RBM34: variants seen among roughly 807,000 people sequenced by gnomAD.
RBM34 encodes RNA-binding protein 34.
RBM34 carries 39 observed loss-of-function variants against 44.6 expected under a neutral mutation model. The ratio of observed to expected loss-of-function variants is 0.87; its 90% CI spans 0.68 to 1.14. RBM34 has a LOEUF of 1.14. Ranked by LOEUF, RBM34 falls within the 50% of genes most tolerant of loss-of-function variation. The pLI is 0.00. For synonymous variants in RBM34, 194 were observed against 184.0 expected (o/e 1.05, Z -0.44); for missense variants, 572 against 517.9 (o/e 1.10, Z -1.01).
rs1011130191 is a variant in RBM34 at position 235,131,752 on chromosome 1, C to T, written c.1254G>A (p.Lys418=). 3.7e-6 allele frequency: 6 copies of T among 1,606,818 alleles called. No homozygotes were observed. Among genetic ancestry groups the T allele is most frequent in the Non-Finnish European group, 5.1e-6 (6 of 1,177,898 alleles). ...TCTGTTTCTTAGGGCGTCCACTTTT[C>T]TTCTGTCCTTTCTTCTTCGTTTTAA... ...VLLKTKKKGQ[K]KSGRPKKQRK... is the part of the protein sequence containing the mutation. The change falls in exon 11 of 11, where the codon AAG becomes AAA. Residue 418 remains lysine, a synonymous_variant. Coordinates refer to ENST00000408888, the MANE Select transcript of RBM34 (RefSeq NM_015014.4).
In RBM34 at chr1:235,160,951, G is replaced by T. The variant is rs747400589; in HGVS notation, c.170C>A (p.Ala57Glu). 2.1e-5 allele frequency: 34 copies of T among 1,614,008 alleles called. No homozygotes were observed. Among genetic ancestry groups the T allele is most frequent in the Admixed American group, 1.7e-5 (1 of 59,994 alleles). Residue 57 changes from alanine to glutamate, a missense_variant, in exon 2 of 11, where the codon GCG becomes GAG. Coordinates refer to ENST00000408888, the MANE Select transcript of RBM34 (RefSeq NM_015014.4). ...GGGCTCCAGAGAACTGAAGAGGGAC[G>T]CCAGCCGACCGGTGCCACCTCTGGA... is the stretch of plus-strand genomic sequence containing the variant. ...HHSRGGTGRL[A>E]SLFSSLEPQI...
chr1:235,132,184 C>T (rs571301016), intron 10 of RBM34, among the ~76,000 whole-genome samples, 187 bp from the exon 11 acceptor site: 24 of 152,266 alleles, frequency 1.6e-4, no homozygotes, highest in Admixed American at 7.8e-4. Context: ...AGTGTTTCCT[C>T]AGAAAGCACT....
chr1:235,156,518 T>C (rs905096748), intron 3 of RBM34: 5 of 378,230 alleles, frequency 1.3e-5, no homozygotes, highest in African/African-American at 2.1e-5. Flanking sequence ...GTACTTACTC[T>C]GTACAAGCAA....
chr1:235,155,860 T>TATATAC (rs1662413097), intron 3 of RBM34, among the ~76,000 whole-genome samples: 4 of 39,876 alleles, frequency 1.0e-4, no homozygotes, highest in African/African-American at 4.5e-4. Context: ...TATATATATA[T>TATATAC]ATATATACAT....
chr1:235,160,711 AATTCAGTCT>A, intron 2 of RBM34, 64 bp from the exon 3 acceptor site: 1 of 1,560,040 alleles, frequency 6.4e-7, no homozygotes, highest in Non-Finnish European at 8.7e-7. Flanking sequence ...CCTAAGCCAT[AATTCAGTCT>A]TTCTAAATGA....
chr1:235,153,225 A>G (rs1380460057), intron 4 of RBM34, among the ~76,000 whole-genome samples: 3 of 151,882 alleles, frequency 2.0e-5, no homozygotes, highest in African/African-American at 7.3e-5. Flanking sequence ...AGTTGGATGA[A>G]CAAAAAAATT....
chr1:235,155,064 T>G lies in RBM34; in HGVS notation c.414A>C (p.Lys138Asn), dbSNP rs375100629. Residue 138 changes from lysine to asparagine, a missense_variant, in exon 4 of 11, where the codon AAA becomes AAC. By Grantham distance (94) the Lys-to-Asn change is moderately conservative. Transcript: ENST00000408888. Reference protein sequence around the residue: ...SADLEEEIHQKQGQKRKNSQP... With the variant: ...SADLEEEIHQNQGQKRKNSQP... ...GAGAATTTTTCCTTTTCTGCCCTTG[T>G]TTCTGGTGAATTTCTTCTTCTAAAT... 2.6e-5 allele frequency: 42 copies of G among 1,613,902 alleles called. No individual in the cohort carries two copies. In the African/African-American group the frequency reaches 4.8e-4, roughly 18 times the overall value.
Position 235,152,781 on chromosome 1 carries a change from A to C in RBM34, c.598-16T>G, listed in dbSNP as rs1662219831. ...ACTTCAGCTTCTAAAATTAAAAAAA[A>C]AAATACACATTAGCTGACCTTCAGA... On this transcript the variant is annotated splice_polypyrimidine_tract_variant and intron_variant, in intron 4 of 10. Coordinates refer to ENST00000408888, the MANE Select transcript of RBM34 (RefSeq NM_015014.4). The C allele has an allele frequency of 6.5e-7, 1 of 1,542,326 alleles. No homozygotes were observed. Among genetic ancestry groups the C allele is most frequent in the Non-Finnish European group, 8.8e-7 (1 of 1,136,972 alleles).
At chr1:235,159,171 C>T (rs1472906285) in intron 3 of RBM34, among the ~76,000 whole-genome samples, 1 of 150,002 alleles carries the variant, frequency 6.7e-6, no homozygotes, top group Non-Finnish European at 1.5e-5. Flanking sequence ...CGCAATCGCA[C>T]CACTGCACTC....
intron 5 of RBM34, among the ~76,000 whole-genome samples, chr1:235,150,975 G>A (rs1662135765): frequency 6.6e-6 from 1 of 152,206 alleles, no homozygotes; most frequent in Non-Finnish European, 1.5e-5. Flanking sequence ...TTAATGCAAG[G>A]CAGGGAAAGA....
chr1:235,145,281 CTTTT>C (rs1228326266), intron 6 of RBM34, among the ~76,000 whole-genome samples: 2 of 142,204 alleles, frequency 1.4e-5, no homozygotes, highest in Admixed American at 7.1e-5. Context: ...CAAAAACATA[CTTTT>C]TTTTTTTTTT....
At chr1:235,152,659 G>A (rs1662213006) in intron 5 of RBM34, 47 bp downstream of exon 5, 1 of 1,579,122 alleles carries the variant, frequency 6.3e-7, no homozygotes, top group South Asian at 1.2e-5. Flanking sequence ...TGATTTAAAT[G>A]CAATAAATTT....
chr1:235,131,796 C>G lies in RBM34; in HGVS notation c.1210G>C (p.Gly404Arg). The G allele has an allele frequency of 6.2e-7, 1 of 1,613,918 alleles. No individual in the cohort carries two copies. Among genetic ancestry groups the G allele is most frequent in the Non-Finnish European group, 8.5e-7 (1 of 1,179,958 alleles). ...AEGHPKSLFI[G>R]EKAVLLKTKK... ...GTTTTAAGGAGAACAGCTTTTTCTCCAATAAATAAGCTTTTAGGATGTCCT... is the reference window on the plus strand; with the variant it reads ...GTTTTAAGGAGAACAGCTTTTTCTCGAATAAATAAGCTTTTAGGATGTCCT... The change falls in exon 11 of 11, where the codon GGA becomes CGA. Residue 404 changes from glycine (G) to arginine (R), a missense_variant. By Grantham distance (125) the Gly-to-Arg change is moderately radical. Coordinates refer to ENST00000408888, the MANE Select transcript of RBM34 (RefSeq NM_015014.4).
chr1:235,131,651 A>G lies in RBM34; in HGVS notation c.*62T>C. ...CACATGAATAGCAGACGATGCTATCAGCAGATAATAGCACTTTTATTAGCA... is the reference window on the plus strand; with the variant it reads ...CACATGAATAGCAGACGATGCTATCGGCAGATAATAGCACTTTTATTAGCA... On this transcript the variant is annotated 3_prime_UTR_variant, in exon 11 of 11. Coordinates refer to ENST00000408888, the MANE Select transcript of RBM34 (RefSeq NM_015014.4). The G allele has an allele frequency of 6.6e-7, 1 of 1,507,390 alleles. No individual in the cohort carries two copies. Among genetic ancestry groups the G allele is most frequent in the East Asian group, 2.3e-5 (1 of 44,130 alleles). 93.4% of individuals were successfully genotyped at this position (1,507,390 alleles called of 1,614,324 possible).
At chr1:235,141,763 C>T (rs1199309479) in intron 6 of RBM34, among the ~76,000 whole-genome samples, 2 of 152,024 alleles carry the variant, frequency 1.3e-5, no homozygotes, top group African/African-American at 2.4e-5. Flanking sequence ...AGACGCGCTG[C>T]CTTAAGAGCT....
intron 10 of RBM34, 21 bp from the exon 11 acceptor site, chr1:235,132,018 C>G (rs1285953856): frequency 3.2e-6 from 5 of 1,549,708 alleles, no homozygotes; most frequent in Middle Eastern, 2.1e-4. Flanking sequence ...AAACACAATA[C>G]ATTAATTGCT....
intron 9 of RBM34, 92 bp from the exon 10 acceptor site, chr1:235,135,862 C>T (rs1033349043): frequency 2.1e-5 from 27 of 1,297,306 alleles, no homozygotes; most frequent in Non-Finnish European, 3.0e-5. Context: ...TAAGCATGGT[C>T]CCATGAAAAT....
rs1433659107 is a variant in RBM34 at position 235,160,886 on chromosome 1, G to A, written c.228+7C>T. ...GAGCTATTCGGGAAGAAAGCCCAGT[G>A]ACTTACTTTAGGCACAGGCACGTAC... On this transcript the variant is annotated splice_region_variant and intron_variant, in intron 2 of 10. Transcript: ENST00000408888. 6.2e-7 allele frequency: 1 copy of A among 1,613,268 alleles called. No homozygotes were observed. The highest frequency in any genetic ancestry group is 2.2e-5 in the East Asian group (1 of 44,854).
At chr1:235,159,087 C>A (rs1188667385) in intron 3 of RBM34, among the ~76,000 whole-genome samples, 1 of 151,744 alleles carries the variant, frequency 6.6e-6, no homozygotes, top group Non-Finnish European at 1.5e-5. Context: ...GTGGGGCATG[C>A]CTATAGTCTA....
Sources: allele counts gnomAD v4.1 joint callset (sites outside exome capture counted in the v4.1 genomes callset), GRCh38; gene constraint gnomAD v4.1.1; transcripts MANE v1.5; gene names NCBI Gene and HGNC (gene_info 2026-07-23, HGNC 2026-07-21).